ZMAT4: variants seen among roughly 807,000 people sequenced by gnomAD.
ZMAT4 encodes zinc finger matrin-type 4.
ZMAT4 carries 17 observed loss-of-function variants against 28.7 expected under a neutral mutation model. That is an observed-to-expected ratio of 0.59 (90% CI 0.41 to 0.89). The LOEUF is 0.89. Ranked by LOEUF, ZMAT4 falls within the 40% of genes least tolerant of loss-of-function variation. ZMAT4 has a pLI of 0.00. For missense variants in ZMAT4, 240 were observed against 283.8 expected (o/e 0.85, Z 1.11); for synonymous variants, 117 against 109.2 (o/e 1.07, Z -0.44).
At chr8:40,838,672 C>A (rs1223740956) in intron 1 of ZMAT4, among the ~76,000 whole-genome samples, 1 of 152,162 alleles carries the variant, frequency 6.6e-6, no homozygotes, top group African/African-American at 2.4e-5. Context: ...GACTGACTCT[C>A]AGTCAATGCC....
At chr8:40,764,285 G>A (rs957221324) in intron 3 of ZMAT4, among the ~76,000 whole-genome samples, 2 of 152,144 alleles carry the variant, frequency 1.3e-5, no homozygotes, top group Non-Finnish European at 2.9e-5. Context: ...TAAGATCCGA[G>A]TAAGGATTCT....
Position 40,747,136 on chromosome 8 carries a change from G to T in ZMAT4, c.192+20505C>A, listed in dbSNP as rs1437599662. ...ACTTGGATTAATGGTTTATAAAAAT[G>T]GATAATGATTTCATGATAAAATAAA... On this transcript the variant is annotated intron_variant, in intron 3 of 6. Coordinates refer to ENST00000297737, the MANE Select transcript of ZMAT4 (RefSeq NM_024645.3). Among the ~76,000 whole-genome samples, 4 of 152,126 alleles carry T rather than the reference G, an allele frequency of 2.6e-5. No homozygotes were observed. In the East Asian group the frequency reaches 7.7e-4, roughly 29 times the overall value.
At chr8:40,734,731 A>G (rs751934290) in intron 3 of ZMAT4, among the ~76,000 whole-genome samples, 8 of 152,220 alleles carry the variant, frequency 5.3e-5, no homozygotes, top group South Asian at 2.1e-4. Flanking sequence ...CAACTATTCC[A>G]GAACACCACC....
chr8:40,870,660 G>A (rs910999812), intron 1 of ZMAT4, among the ~76,000 whole-genome samples: 34 of 152,110 alleles, frequency 2.2e-4, no homozygotes, highest in South Asian at 8.3e-4. Flanking sequence ...TGGATTCATA[G>A]AGCCCAAGAA....
At chr8:40,769,179 C>T (rs1813287503) in intron 2 of ZMAT4, among the ~76,000 whole-genome samples, 1 of 152,184 alleles carries the variant, frequency 6.6e-6, no homozygotes, top group Non-Finnish European at 1.5e-5. Flanking sequence ...TGAAATGTGA[C>T]TTAGAAATAT....
chr8:40,751,884 C>T (rs1293875306), intron 3 of ZMAT4, among the ~76,000 whole-genome samples: 2 of 152,058 alleles, frequency 1.3e-5, no homozygotes, highest in Non-Finnish European at 2.9e-5. Context: ...AAAATATGAA[C>T]ATCAACCCCC....
chr8:40,582,122 T>G (rs1433751844), intron 5 of ZMAT4, among the ~76,000 whole-genome samples: 1 of 152,212 alleles, frequency 6.6e-6, no homozygotes, highest in Admixed American at 6.5e-5. Context: ...TTTCTAGTTT[T>G]GTGATCTGGA....
chr8:40,657,543 TGCTGACA>T (rs1422595818), intron 5 of ZMAT4, among the ~76,000 whole-genome samples: 1 of 152,156 alleles, frequency 6.6e-6, no homozygotes, highest in Non-Finnish European at 1.5e-5. Context: ...TTCATATTGT[TGCTGACA>T]TCTATATAAT....
At chr8:40,889,701 C>T (rs1006615576) in intron 1 of ZMAT4, among the ~76,000 whole-genome samples, 2 of 151,958 alleles carry the variant, frequency 1.3e-5, no homozygotes, top group African/African-American at 4.8e-5. Flanking sequence ...ATGTATTATT[C>T]AATGTAATTT....
At chr8:40,753,079 G>A (rs1265293785) in intron 3 of ZMAT4, among the ~76,000 whole-genome samples, 2 of 106,856 alleles carry the variant, frequency 1.9e-5, no homozygotes, top group Non-Finnish European at 3.5e-5. Context: ...GGTGTGTGGT[G>A]TGTGACTTTC....
chr8:40,767,753 G>C, intron 2 of ZMAT4, 23 bp from the exon 3 acceptor site: 1 of 1,595,678 alleles, frequency 6.3e-7, no homozygotes, highest in African/African-American at 1.3e-5. Context: ...AGCATAAGCA[G>C]ATACTGTAAA....
chr8:40,551,251 G>T (rs1183766372), intron 6 of ZMAT4, among the ~76,000 whole-genome samples: 2 of 152,104 alleles, frequency 1.3e-5, no homozygotes, highest in South Asian at 2.1e-4. Flanking sequence ...TGAATGAATG[G>T]CACACAAGCC....
chr8:40,601,503 A>AGAAAGAG (rs1805329360), intron 5 of ZMAT4, among the ~76,000 whole-genome samples: 2 of 127,122 alleles, frequency 1.6e-5, no homozygotes, highest in Non-Finnish European at 3.5e-5. Flanking sequence ...GAGAGAAAGA[A>AGAAAGAG]AGAAAGAGAA....
rs905741913 is a variant in ZMAT4 at position 40,566,341 on chromosome 8, G to T, written c.674+14824C>A. Among the ~76,000 whole-genome samples, 10 of 152,192 alleles carry T rather than the reference G, an allele frequency of 6.6e-5. 1 individual carries two copies. Among genetic ancestry groups the T allele is most frequent in the African/African-American group, 2.4e-4 (10 of 41,460 alleles). On this transcript the variant is annotated intron_variant, in intron 6 of 6. Transcript: ENST00000297737. ...AAGCTGCCTCTCCAATGTGCACATA[G>T]AATGAAGAGCATTGCCCAGATCTTT...
chr8:40,776,372 T>C lies in ZMAT4; in HGVS notation c.103-8642A>G, dbSNP rs1340981993. 2.0e-5 allele frequency among the ~76,000 whole-genome samples: 3 copies of C among 152,340 alleles called. No homozygotes were observed. The East Asian group carries it at 5.8e-4, about 29-fold the overall frequency. ...GTGGGATGTGCAGTGCCTGTGATTGTGGAATCATGTTTGTAATTATCTACG... is the reference window on the plus strand; with the variant it reads ...GTGGGATGTGCAGTGCCTGTGATTGCGGAATCATGTTTGTAATTATCTACG... On this transcript the variant is annotated intron_variant, in intron 2 of 6. Transcript: ENST00000297737.
chr8:40,797,782 G>C (rs1586068083), intron 2 of ZMAT4, among the ~76,000 whole-genome samples: 1 of 152,160 alleles, frequency 6.6e-6, no homozygotes, highest in African/African-American at 2.4e-5. Flanking sequence ...GGGATCTGTC[G>C]ACAGGTCACA....
At chr8:40,760,220 C>G (rs544661490) in intron 3 of ZMAT4, among the ~76,000 whole-genome samples, 1 of 152,226 alleles carries the variant, frequency 6.6e-6, no homozygotes, top group Non-Finnish European at 1.5e-5. Flanking sequence ...CAACACCCAG[C>G]TCCTTCTAGC....
rs538878814 is a variant in ZMAT4, at chr8:40,740,394, G to A, written c.192+27247C>T. Among the ~76,000 whole-genome samples, 4 of 152,256 alleles carry A rather than the reference G, an allele frequency of 2.6e-5. No homozygotes were observed. The South Asian group carries it at 8.3e-4, about 32-fold the overall frequency. ...TTTGCACAAAATAACATTTTTAAAT[G>A]CATAAAGCAAAACGCACAGGGTCAC... On this transcript the variant is annotated intron_variant, in intron 3 of 6. Transcript: ENST00000297737.
At chr8:40,870,905 G>T (rs1042859439) in intron 1 of ZMAT4, among the ~76,000 whole-genome samples, 1 of 152,182 alleles carries the variant, frequency 6.6e-6, no homozygotes, top group African/African-American at 2.4e-5. Flanking sequence ...AGCAGCTGTT[G>T]TGTCCTGGGT....
Sources: allele counts gnomAD v4.1 joint callset (sites outside exome capture counted in the v4.1 genomes callset), GRCh38; gene constraint gnomAD v4.1.1; transcripts MANE v1.5; gene names NCBI Gene and HGNC (gene_info 2026-07-23, HGNC 2026-07-21).